Variants in KCNJ6 observed in about 807,000 individuals in gnomAD.
KCNJ6 encodes G protein-activated inward rectifier potassium channel 2.
KCNJ6 carries 9 observed loss-of-function variants against 34.2 expected under a neutral mutation model. The ratio of observed to expected loss-of-function variants is 0.26; its 90% CI spans 0.16 to 0.46. The LOEUF (loss-of-function observed/expected upper bound fraction) is 0.46. Ranked by LOEUF, KCNJ6 falls within the 20% of genes least tolerant of loss-of-function variation. The pLI is 1.00. For synonymous variants in KCNJ6, 196 were observed against 207.1 expected, an observed-to-expected ratio of 0.95 and a Z score of 0.46; for missense variants, 236 against 531.3, an observed-to-expected ratio of 0.44 and a Z score of 5.46.
intron 1 of KCNJ6, among the ~76,000 whole-genome samples, chr21:37,858,284 T>C (rs1414467105): frequency 2.1e-5 from 3 of 145,018 alleles, no homozygotes; most frequent in Non-Finnish European, 4.5e-5. Flanking sequence ...TCCCAGCTAC[T>C]CGGGAGGCTG....
intron 2 of KCNJ6, among the ~76,000 whole-genome samples, chr21:37,818,347 C>G (rs2835986): frequency 6.6e-6 from 1 of 151,820 alleles, no homozygotes; most frequent in Non-Finnish European, 1.5e-5. Flanking sequence ...CAAGCTTCTG[C>G]AGCGTCTAAT....
At chr21:37,711,205 C>T (rs1601431062) in intron 3 of KCNJ6, among the ~76,000 whole-genome samples, 2 of 152,380 alleles carry the variant, frequency 1.3e-5, no homozygotes, top group Admixed American at 1.3e-4. Flanking sequence ...CAGAGCACCA[C>T]TCGCCTGCAC....
chr21:37,905,186 A>G (rs144888862), intron 1 of KCNJ6, among the ~76,000 whole-genome samples: 5 of 152,102 alleles, frequency 3.3e-5, no homozygotes, highest in Non-Finnish European at 7.4e-5. Context: ...CCATTTTTCT[A>G]TTACTCATTT....
intron 2 of KCNJ6, among the ~76,000 whole-genome samples, chr21:37,717,763 G>C (rs552810889): frequency 3.7e-4 from 57 of 152,214 alleles, no homozygotes; most frequent in Admixed American, 8.5e-4. Flanking sequence ...GCCACCCTAA[G>C]CTCTTGTCTT....
chr21:37,790,349 G>A (rs1378195370), intron 2 of KCNJ6, among the ~76,000 whole-genome samples: 1 of 152,208 alleles, frequency 6.6e-6, no homozygotes, highest in East Asian at 1.9e-4. Flanking sequence ...GGGGGCATCT[G>A]TCTGTCGTTT....
chr21:37,902,577 T>C (rs1265507043), intron 1 of KCNJ6, among the ~76,000 whole-genome samples: 2 of 152,222 alleles, frequency 1.3e-5, no homozygotes, highest in African/African-American at 4.8e-5. Flanking sequence ...AGAAATATTA[T>C]TCAAATATCA....
intron 1 of KCNJ6, among the ~76,000 whole-genome samples, chr21:37,857,684 C>T (rs2055572072): frequency 6.6e-6 from 1 of 152,152 alleles, no homozygotes; most frequent in Admixed American, 6.5e-5. Context: ...CTCAACACTT[C>T]CTTTCACAAA....
At chr21:37,822,280 T>C (rs2055376568) in intron 2 of KCNJ6, among the ~76,000 whole-genome samples, 1 of 152,144 alleles carries the variant, frequency 6.6e-6, no homozygotes, top group Non-Finnish European at 1.5e-5. Flanking sequence ...GCACCTGTTG[T>C]CTATGGCCAT....
chr21:37,771,513 G>T (rs1442347792), intron 2 of KCNJ6, among the ~76,000 whole-genome samples: 1 of 152,050 alleles, frequency 6.6e-6, no homozygotes, highest in Non-Finnish European at 1.5e-5. Flanking sequence ...TCTCCTACTG[G>T]TCCTACTTCT....
At chr21:37,762,932 G>A (rs1276669102) in intron 2 of KCNJ6, among the ~76,000 whole-genome samples, 2 of 152,142 alleles carry the variant, frequency 1.3e-5, no homozygotes, top group Non-Finnish European at 1.5e-5. Context: ...TGAGAATAAC[G>A]ATGTTCCAAT....
rs1473227166 is a variant in KCNJ6 at position 37,872,398 on chromosome 21, A to C, written c.-27-31689T>G. Among the ~76,000 whole-genome samples, 4 of 152,338 alleles carry C rather than the reference A, an allele frequency of 2.6e-5. No individual in the cohort carries two copies. In the East Asian group the frequency reaches 7.7e-4, roughly 29 times the overall value. The stretch of plus-strand genomic sequence containing the variant: ...CTGGATCTTACAAAGTCAAAGGGCA[A>C]GGCTTCCTCTGTGTCACCGGCATTA... On this transcript the variant is annotated intron_variant, in intron 1 of 3. Coordinates refer to ENST00000609713, the MANE Select transcript of KCNJ6 (RefSeq NM_002240.5).
chr21:37,824,463 AG>A (rs901135036), intron 2 of KCNJ6, among the ~76,000 whole-genome samples: 21 of 151,928 alleles, frequency 1.4e-4, no homozygotes, highest in Non-Finnish European at 2.2e-4. Flanking sequence ...CTCCAGGTGT[AG>A]GGGGTGGGGG....
At chr21:37,628,825 A>G (rs1277768404) in intron 3 of KCNJ6, among the ~76,000 whole-genome samples, 1 of 152,214 alleles carries the variant, frequency 6.6e-6, no homozygotes, top group Non-Finnish European at 1.5e-5. Context: ...AGTGATTTTC[A>G]ATGATATTAA....
chr21:37,691,274 C>T (rs1488433252), intron 3 of KCNJ6, among the ~76,000 whole-genome samples: 1 of 152,160 alleles, frequency 6.6e-6, no homozygotes, highest in Non-Finnish European at 1.5e-5. Flanking sequence ...TGTAGGGGGG[C>T]CTCTGTCAGG....
Position 37,645,116 on chromosome 21 carries a change from C to T in KCNJ6, c.947-19632G>A, listed in dbSNP as rs370024562. 2.5e-4 allele frequency among the ~76,000 whole-genome samples: 37 copies of T among 150,966 alleles called. No homozygotes were observed. The East Asian group carries it at 3.9e-3, about 16-fold the overall frequency. ...AAGGCTGGGTATGGTGGCTCAAACTCGTAATCCCAGCAATTTGGGAGGCTG... is the reference window on the plus strand; with the variant it reads ...AAGGCTGGGTATGGTGGCTCAAACTTGTAATCCCAGCAATTTGGGAGGCTG... On this transcript the variant is annotated intron_variant, in intron 3 of 3. Coordinates refer to ENST00000609713, the MANE Select transcript of KCNJ6 (RefSeq NM_002240.5).
intron 3 of KCNJ6, among the ~76,000 whole-genome samples, chr21:37,711,698 G>A (rs183682117): frequency 3.3e-5 from 5 of 152,104 alleles, no homozygotes; most frequent in South Asian, 4.1e-4. Context: ...CTGCTGAAGC[G>A]TAAGAGAGCA....
intron 3 of KCNJ6, among the ~76,000 whole-genome samples, chr21:37,678,664 A>G (rs1256935292): frequency 5.3e-5 from 8 of 152,188 alleles, no homozygotes; most frequent in Admixed American, 5.2e-4. Context: ...GGATGGGTGG[A>G]CAGATGGATG....
At chr21:37,642,597 C>T (rs2054385947) in intron 3 of KCNJ6, among the ~76,000 whole-genome samples, 1 of 152,020 alleles carries the variant, frequency 6.6e-6, no homozygotes, top group Non-Finnish European at 1.5e-5. Context: ...AAGCATCTGA[C>T]CCCGAAGATA....
intron 2 of KCNJ6, among the ~76,000 whole-genome samples, chr21:37,723,802 T>C (rs1370557271): frequency 1.3e-5 from 2 of 152,162 alleles, no homozygotes; most frequent in Non-Finnish European, 2.9e-5. Context: ...TGAAAACCTA[T>C]TGGTACTACG....
Sources: allele counts gnomAD v4.1 joint callset (sites outside exome capture counted in the v4.1 genomes callset), GRCh38; gene constraint gnomAD v4.1.1; transcripts MANE v1.5; gene names NCBI Gene and HGNC (gene_info 2026-07-23, HGNC 2026-07-21).